Variants in LRRC37A2 observed in about 807,000 individuals in gnomAD.
LRRC37A2 encodes the protein leucine-rich repeat-containing protein 37A2.
In LRRC37A2, 9 loss-of-function variants were observed where a neutral mutation model predicts 68.8. The ratio of observed to expected loss-of-function variants is 0.13; its 90% CI spans 0.08 to 0.23. The LOEUF is 0.23. Ranked by LOEUF, LRRC37A2 falls within the 10% of genes least tolerant of loss-of-function variation. The probability of loss-of-function intolerance (pLI) is 1.00; values close to 1 mark genes in which losing one functional copy is unlikely to be tolerated. For missense variants in LRRC37A2, 168 were observed against 950.4 expected, an observed-to-expected ratio of 0.18 and a Z score of 10.82; for synonymous variants, 63 against 367.6, an observed-to-expected ratio of 0.17 and a Z score of 9.48.
the LRRC37A2 span, among the ~76,000 whole-genome samples, chr17:47,007,564 C>G: frequency 6.7e-6 from 1 of 149,808 alleles, no homozygotes; most frequent in African/African-American, 2.4e-5. Flanking sequence ...TCAGAATCAT[C>G]TGAATCATCA....
the LRRC37A2 span, among the ~76,000 whole-genome samples, chr17:46,685,463 A>G: frequency 1.3e-5 from 2 of 151,966 alleles, no homozygotes; most frequent in Non-Finnish European, 2.9e-5. Flanking sequence ...GACAGTCCAC[A>G]CTGACGGAGA....
chr17:47,021,925 A>T, the LRRC37A2 span: 1 of 1,514,762 alleles, frequency 6.6e-7, no homozygotes, highest in Non-Finnish European at 9.2e-7. Context: ...AGAAACTGTG[A>T]GTATATTCTC....
At chr17:46,404,899 T>G in the LRRC37A2 span, among the ~76,000 whole-genome samples, 1 of 101,098 alleles carries the variant, frequency 9.9e-6, no homozygotes, top group East Asian at 2.5e-4. Context: ...AATAAATAAA[T>G]AAATAAATAA....
At chr17:46,902,448 T>C in the LRRC37A2 span, among the ~76,000 whole-genome samples, 9 of 145,996 alleles carry the variant, frequency 6.2e-5, no homozygotes, top group African/African-American at 2.1e-4. Flanking sequence ...GAAATCTCGA[T>C]AAGGGAACAG....
chr17:46,953,221 C>A, the LRRC37A2 span, among the ~76,000 whole-genome samples: 3 of 151,938 alleles, frequency 2.0e-5, no homozygotes, highest in South Asian at 6.3e-4. Flanking sequence ...CAACAGTCTC[C>A]GGTGTGTGAT....
the LRRC37A2 span, chr17:47,019,203 A>G: frequency 6.9e-7 from 1 of 1,443,528 alleles, no homozygotes; most frequent in Non-Finnish European, 9.7e-7. Context: ...CCTGGGGTTT[A>G]CCATCACTCC....
the LRRC37A2 span, among the ~76,000 whole-genome samples, chr17:46,638,659 G>A: frequency 5.4e-3 from 768 of 141,042 alleles, 89 homozygotes; most frequent in African/African-American, 0.019. Context: ...TTACAGGCAT[G>A]AGCCACCATG....
chr17:46,819,461 C>T, the LRRC37A2 span, among the ~76,000 whole-genome samples: 1 of 152,306 alleles, frequency 6.6e-6, no homozygotes, highest in African/African-American at 2.4e-5. The surrounding 1 kb of genome is among the most constrained non-coding windows in gnomAD (Gnocchi z 5.3). Context: ...AGTCGGGTCA[C>T]TTTCTCCTCC....
the LRRC37A2 span, chr17:46,755,364 A>C: frequency 1.2e-6 from 2 of 1,612,640 alleles, no homozygotes; most frequent in Non-Finnish European, 1.7e-6. Flanking sequence ...TAAGAGAAGA[A>C]GGAGCGTAAG....
At chr17:46,867,423 T>C in the LRRC37A2 span, among the ~76,000 whole-genome samples, 2 of 152,206 alleles carry the variant, frequency 1.3e-5, no homozygotes, top group East Asian at 3.9e-4. Context: ...TTTGATGGAA[T>C]GAGCTCAGTT....
At chr17:46,697,215 C>CT in the LRRC37A2 span, among the ~76,000 whole-genome samples, 85 of 122,094 alleles carry the variant, frequency 7.0e-4, 9 homozygotes, top group Admixed American at 1.3e-3. Flanking sequence ...AATTATTTTT[C>CT]TTTTTTTTTT....
chr17:47,043,385 G>A, the LRRC37A2 span, among the ~76,000 whole-genome samples: 2 of 150,640 alleles, frequency 1.3e-5, no homozygotes, highest in Non-Finnish European at 3.0e-5. Context: ...TGTAATCCCA[G>A]CTACTCGGGA....
chr17:46,725,606 T>C, the LRRC37A2 span, among the ~76,000 whole-genome samples: 2 of 152,196 alleles, frequency 1.3e-5, no homozygotes, highest in East Asian at 3.8e-4. Flanking sequence ...GTTAATATCA[T>C]GAGTTTGACT....
chr17:46,711,447 A>G, the LRRC37A2 span, among the ~76,000 whole-genome samples: 782 of 152,348 alleles, frequency 5.1e-3, 7 homozygotes, highest in South Asian at 0.011. Flanking sequence ...TCATTGAACT[A>G]GTTGCTGGGG....
At chr17:46,537,070 G>A (rs1201869689) in intron 6 of LRRC37A2, among the ~76,000 whole-genome samples, 2 of 3,862 alleles carry the variant, frequency 5.2e-4, no homozygotes, top group Non-Finnish European at 3.0e-3. Context: ...AAAGTTTATT[G>A]TGGTCAATTT....
chr17:46,817,935 CAAG>C, the LRRC37A2 span, among the ~76,000 whole-genome samples: 1 of 152,064 alleles, frequency 6.6e-6, no homozygotes, highest in Non-Finnish European at 1.5e-5. Context: ...TTCAGAGGCT[CAAG>C]ATGAATCTAG....
the LRRC37A2 span, among the ~76,000 whole-genome samples, chr17:46,785,056 C>A: frequency 1.3e-5 from 2 of 152,114 alleles, no homozygotes; most frequent in Non-Finnish European, 2.9e-5. Context: ...GGATTACAGG[C>A]GTGAGCCACC....
chr17:46,731,512 T>C, the LRRC37A2 span, among the ~76,000 whole-genome samples: 3 of 152,140 alleles, frequency 2.0e-5, no homozygotes, highest in Non-Finnish European at 2.9e-5. Flanking sequence ...TCTCAAGCGA[T>C]TACATTTTTT....
At chr17:46,737,952 A>ATTATTG in the LRRC37A2 span, among the ~76,000 whole-genome samples, 2,833 of 139,924 alleles carry the variant, frequency 0.02, 220 homozygotes, top group East Asian at 0.18. Context: ...TATTATTATT[A>ATTATTG]GAGATAGGAT....
Sources: gnomAD v4.1 joint callset for allele counts (sites outside exome capture counted in the v4.1 genomes callset) on GRCh38, gnomAD v4.1.1 for gene constraint, Gnocchi (gnomAD v3.1) non-coding constraint, MANE v1.5 for transcripts, NCBI Gene and HGNC (gene_info 2026-07-23, HGNC 2026-07-21) for gene names.